The following ANKRD36 variants were observed in gnomAD, a reference collection of about 807,000 sequenced individuals.
The protein encoded by ANKRD36 is ankyrin repeat domain-containing protein 36A.
A neutral mutation model predicts 278.1 loss-of-function variants in ANKRD36; 179 were observed. The ratio of observed to expected loss-of-function variants is 0.64; its 90% CI spans 0.57 to 0.73. The LOEUF is 0.73. ANKRD36 is among the 30% of genes least tolerant of loss of function. The pLI is 0.00. For missense variants in ANKRD36, 1,159 were observed against 1,956.7 expected, an observed-to-expected ratio of 0.59 and a Z score of 7.69; for synonymous variants, 320 against 641.1, an observed-to-expected ratio of 0.50 and a Z score of 7.57.
chr2:97,185,572 C>G (rs2057245710), intron 30 of ANKRD36, 62 bp downstream of exon 30: 1 of 1,555,798 alleles, frequency 6.4e-7, no homozygotes, highest in Admixed American at 1.9e-5. Flanking sequence ...CTTCTCTTCC[C>G]TGAATAAATC....
At chr2:97,156,229 T>TG (rs1470351848) in intron 15 of ANKRD36, among the ~76,000 whole-genome samples, 2 of 146,282 alleles carry the variant, frequency 1.4e-5, no homozygotes, top group Admixed American at 1.4e-4. Context: ...CTTTTTTTTT[T>TG]ATTATTATAC....
intron 58 of ANKRD36, 76 bp downstream of exon 58, chr2:97,211,817 G>C: frequency 6.8e-7 from 1 of 1,465,434 alleles, no homozygotes; most frequent in Non-Finnish European, 9.3e-7. Context: ...TAAAACAGCG[G>C]GGGGTTCGTC....
intron 67 of ANKRD36, among the ~76,000 whole-genome samples, chr2:97,229,781 G>T (rs568813186): frequency 1.3e-5 from 2 of 152,176 alleles, no homozygotes; most frequent in East Asian, 3.9e-4. Flanking sequence ...GGTACCGGTT[G>T]TTCCTTTCCA....
At chr2:97,180,264 G>A (rs1305386125) in intron 24 of ANKRD36, among the ~76,000 whole-genome samples, 1 of 151,572 alleles carries the variant, frequency 6.6e-6, no homozygotes, top group Non-Finnish European at 1.5e-5. Flanking sequence ...ACGAGATGAA[G>A]TAATAGATAT....
intron 13 of ANKRD36, 51 bp downstream of exon 13, chr2:97,151,990 T>G: frequency 2.3e-6 from 2 of 878,338 alleles, no homozygotes; most frequent in South Asian, 1.9e-5. Flanking sequence ...TCTTCATTTG[T>G]TTTTTTTTTT....
At chr2:97,199,320 C>G (rs1299177236) in intron 44 of ANKRD36, among the ~76,000 whole-genome samples, 1 of 151,906 alleles carries the variant, frequency 6.6e-6, no homozygotes, top group Non-Finnish European at 1.5e-5. Context: ...CTTCTTGTTA[C>G]TAGGAGGCCT....
At chr2:97,132,670 C>T (rs1448546316) in intron 6 of ANKRD36, among the ~76,000 whole-genome samples, 5 of 151,990 alleles carry the variant, frequency 3.3e-5, no homozygotes, top group African/African-American at 4.8e-5. Context: ...CTGTGTTTGG[C>T]GATTCACTTG....
intron 66 of ANKRD36, among the ~76,000 whole-genome samples, chr2:97,220,804 T>C (rs1311322750): frequency 1.4e-5 from 2 of 146,626 alleles, no homozygotes; most frequent in Non-Finnish European, 3.0e-5. Context: ...TACTCTAAGT[T>C]TTAGGGTACA....
intron 46 of ANKRD36, 24 bp downstream of exon 46, chr2:97,200,549 T>C: frequency 6.5e-7 from 1 of 1,543,910 alleles, no homozygotes; most frequent in Non-Finnish European, 8.7e-7. Context: ...ACACATTTAA[T>C]GTCATGTTCA....
chr2:97,226,088 T>C (rs1259604894), intron 67 of ANKRD36, among the ~76,000 whole-genome samples: 1 of 151,712 alleles, frequency 6.6e-6, no homozygotes, highest in Non-Finnish European at 1.5e-5. Context: ...AAAACATATG[T>C]GTGCATGTGT....
intron 1 of ANKRD36, 60 bp downstream of exon 1, chr2:97,113,996 C>G (rs1309299384): frequency 1.3e-6 from 2 of 1,484,278 alleles, no homozygotes; most frequent in Non-Finnish European, 1.8e-6. Flanking sequence ...AGAAGTACCC[C>G]TTTCCAGGCT....
intron 66 of ANKRD36, among the ~76,000 whole-genome samples, chr2:97,220,755 A>T (rs929795734): frequency 0.019 from 1,226 of 64,486 alleles, no homozygotes; most frequent in Middle Eastern, 0.078. Context: ...TTTAATTTTT[A>T]ATTTTCTTTT....
intron 15 of ANKRD36, among the ~76,000 whole-genome samples, chr2:97,156,407 T>G (rs1462000121): frequency 7.2e-6 from 1 of 139,362 alleles, no homozygotes; most frequent in African/African-American, 2.5e-5. Context: ...AGTGTGATAT[T>G]CCCCTTCCTG....
At position 97,181,618 on chromosome 2, in the gene ANKRD36, G is replaced by A. The variant is rs773323646; in HGVS notation, c.1756G>A (p.Ala586Thr). The A allele has an allele frequency of 1.6e-5, 25 of 1,602,498 alleles. No individual in the cohort carries two copies. The South Asian group carries it at 2.6e-4, about 17-fold the overall frequency. The change falls in exon 25 of 76, where the codon GCT becomes ACT. Residue 586 changes from alanine (A) to threonine (T), a missense_variant. Physicochemically the swap from Ala to Thr is moderately conservative, Grantham distance 58 (BLOSUM62 0). Coordinates refer to ENST00000420699, the MANE Select transcript of ANKRD36 (RefSeq NM_001354587.1). ...SGTVSSQKQP[A>T]EKATSDEKDS... ...TTCAGTGTCTTCTCAGAAACAACCA[G>A]CTGAGAAGGTAATTAAAGTCTCATT...
At chr2:97,196,139 C>T (rs1358447841) in intron 40 of ANKRD36, among the ~76,000 whole-genome samples, 2 of 151,950 alleles carry the variant, frequency 1.3e-5, no homozygotes, top group Non-Finnish European at 2.9e-5. Context: ...CAATTGTGTG[C>T]CTTCTCAGTT....
At position 97,128,723 on chromosome 2, in the gene ANKRD36, G is replaced by A. The variant is rs550798034; in HGVS notation, c.799+1589G>A. ...CTAAGGGTAATGTGTGAGAAAAACT[G>A]TGGTCTTCTTATCTGCTCCTTGTGG... On this transcript the variant is annotated intron_variant, in intron 6 of 75. Transcript: ENST00000420699. Among the ~76,000 whole-genome samples, 2 of 151,934 alleles carry A rather than the reference G, an allele frequency of 1.3e-5. 1 individual carries two copies. Among genetic ancestry groups the A allele is most frequent in the Admixed American group, 1.3e-4 (2 of 15,164 alleles).
At chr2:97,223,368 T>TGATTACAG (rs2068337051) in intron 66 of ANKRD36, among the ~76,000 whole-genome samples, 1 of 151,356 alleles carries the variant, frequency 6.6e-6, no homozygotes, top group African/African-American at 2.4e-5. Context: ...CAAAGTGCTG[T>TGATTACAG]GATTACAGGC....
chr2:97,123,265 G>T (rs1165772782), intron 4 of ANKRD36, among the ~76,000 whole-genome samples: 1 of 148,746 alleles, frequency 6.7e-6, no homozygotes, highest in African/African-American at 2.4e-5. Flanking sequence ...TATATTGATA[G>T]ATGTTTGTTA....
rs1237807352 is a variant in ANKRD36, at chr2:97,124,572, T to G, written c.706T>G (p.Tyr236Asp). ...RDAFRKIAGD[Y>D]AIEAKNRVIF... The stretch of plus-strand genomic sequence containing the variant: ...TGCGTTTCGAAAGATTGCAGGAGAT[T>G]ATGCCATTGAGGCTAAGAATAGAGT... The change falls in exon 5 of 76, where the codon TAT becomes GAT. Residue 236 changes from tyrosine (Y) to aspartate (D), a missense_variant. Physicochemically the swap from Tyr to Asp is radical, Grantham distance 160 (BLOSUM62 -3). Coordinates refer to ENST00000420699, the MANE Select transcript of ANKRD36 (RefSeq NM_001354587.1). The G allele has an allele frequency of 1.7e-5, 26 of 1,552,744 alleles. No homozygotes were observed. Among genetic ancestry groups the G allele is most frequent in the Non-Finnish European group, 2.2e-5 (25 of 1,147,274 alleles).
Sources: gnomAD v4.1 joint callset for allele counts (sites outside exome capture counted in the v4.1 genomes callset) on GRCh38, gnomAD v4.1.1 for gene constraint, MANE v1.5 for transcripts, NCBI Gene and HGNC (gene_info 2026-07-23, HGNC 2026-07-21) for gene names.